Variants in HSD17B11 observed in about 807,000 individuals in gnomAD.
HSD17B11 encodes estradiol 17-beta-dehydrogenase 11.
HSD17B11 carries 22 observed loss-of-function variants against 27.8 expected under a neutral mutation model. That is an observed-to-expected ratio of 0.79 (90% CI 0.56 to 1.13). The LOEUF (loss-of-function observed/expected upper bound fraction) is 1.13, where lower values mean the gene tolerates loss of function less well. Among genes scored for constraint, HSD17B11 ranks in the 50% most tolerant of loss-of-function variants. The pLI, the probability that HSD17B11 is intolerant of heterozygous loss-of-function variation, is 0.00. For synonymous variants in HSD17B11, 117 were observed against 132.8 expected (o/e 0.88, Z 0.82); for missense variants, 314 against 351.1 (o/e 0.89, Z 0.84).
At chr4:87,372,666 A>G (rs1353460119) in intron 4 of HSD17B11, 43 bp downstream of exon 4, 3 of 1,160,456 alleles carry the variant, frequency 2.6e-6, no homozygotes, top group Non-Finnish European at 2.6e-6. Flanking sequence ...CTCACACACA[A>G]GGTAGGCATA....
chr4:87,369,176 A>C (rs1469417373), intron 4 of HSD17B11, among the ~76,000 whole-genome samples: 1 of 152,196 alleles, frequency 6.6e-6, no homozygotes, highest in Non-Finnish European at 1.5e-5. Context: ...TTAAGTGACC[A>C]AAAATGCAAG....
chr4:87,388,506 C>T (rs1297694569), intron 1 of HSD17B11, among the ~76,000 whole-genome samples: 2 of 152,180 alleles, frequency 1.3e-5, no homozygotes, highest in African/African-American at 4.8e-5. Context: ...ACTCACTGTG[C>T]TCTCAGCTTC....
At chr4:87,346,059 A>T (rs1735265917) in intron 5 of HSD17B11, among the ~76,000 whole-genome samples, 1 of 152,202 alleles carries the variant, frequency 6.6e-6, no homozygotes, top group African/African-American at 2.4e-5. Flanking sequence ...TGGCAAATTA[A>T]ATCTAGCATT....
rs752703504 is a variant in HSD17B11, at chr4:87,337,323, T to G, written c.856A>C (p.Ser286Arg). The change falls in exon 7 of 7, where the codon AGT becomes CGT. Residue 286 changes from serine (S) to arginine (R), a missense_variant. Coordinates refer to ENST00000358290, the MANE Select transcript of HSD17B11 (RefSeq NM_016245.5). ...CCAATAACTGCATCAAACTTAACAC[T>G]GATTTTTCGTTTTAAAACTGCCAGG... is the stretch of plus-strand genomic sequence containing the variant. The part of the protein sequence containing the change: ...RFLAVLKRKI[S>R]VKFDAVIGYK... The G allele has an allele frequency of 1.9e-6, 3 of 1,606,022 alleles. No individual in the cohort carries two copies. The highest frequency in any genetic ancestry group is 2.2e-5 in the South Asian group (2 of 90,474).
chr4:87,344,399 C>T (rs1212406793), intron 5 of HSD17B11, among the ~76,000 whole-genome samples: 1 of 152,094 alleles, frequency 6.6e-6, no homozygotes, highest in Admixed American at 6.6e-5. Context: ...GGCATTGTTT[C>T]TATCATTAGT....
intron 5 of HSD17B11, among the ~76,000 whole-genome samples, chr4:87,355,927 G>C (rs186011847): frequency 4.6e-4 from 68 of 148,306 alleles, no homozygotes; most frequent in African/African-American, 1.5e-3. Context: ...AACAAACAAA[G>C]AAACAAACAA....
chr4:87,337,175 G>T lies in HSD17B11; in HGVS notation c.*101C>A. Reference sequence around the variant, plus strand: ...GCCTCAAAAATGATATTGAAGAAATGGGGATAATTAGAAAAAACAGAAGTT... The same window carrying T: ...GCCTCAAAAATGATATTGAAGAAATTGGGATAATTAGAAAAAACAGAAGTT... On this transcript the variant is annotated 3_prime_UTR_variant, in exon 7 of 7. Transcript: ENST00000358290. 1.3e-6 allele frequency: 1 copy of T among 770,472 alleles called. No homozygotes were observed. The highest frequency in any genetic ancestry group is 1.8e-5 in the African/African-American group (1 of 56,926). The allele number at this position is 770,472 out of a possible 1,614,324, so 47.7% of individuals were successfully genotyped here.
chr4:87,378,785 A>G (rs1329037536), intron 2 of HSD17B11, among the ~76,000 whole-genome samples: 1 of 113,242 alleles, frequency 8.8e-6, no homozygotes. Context: ...TTGCGTGTAT[A>G]TATATATGAT....
At chr4:87,343,473 G>A (rs187936984) in intron 5 of HSD17B11, among the ~76,000 whole-genome samples, 22 of 151,846 alleles carry the variant, frequency 1.4e-4, no homozygotes, top group African/African-American at 2.7e-4. Flanking sequence ...GAGTATTTTC[G>A]TCTGAAGGAT....
At chr4:87,358,990 GAGTTCTC>G (rs1238873216) in intron 4 of HSD17B11, among the ~76,000 whole-genome samples, 1 of 152,076 alleles carries the variant, frequency 6.6e-6, no homozygotes, top group East Asian at 1.9e-4. Flanking sequence ...GATAGTGGGG[GAGTTCTC>G]ACAAGATCTG....
intron 4 of HSD17B11, among the ~76,000 whole-genome samples, chr4:87,370,001 T>G (rs1735678653): frequency 1.3e-5 from 2 of 152,224 alleles, no homozygotes; most frequent in African/African-American, 4.8e-5. Context: ...TTCTTCATAT[T>G]AATCATTAAA....
At chr4:87,364,959 A>C (rs1735589997) in intron 4 of HSD17B11, among the ~76,000 whole-genome samples, 1 of 152,194 alleles carries the variant, frequency 6.6e-6, no homozygotes, top group South Asian at 2.1e-4. Flanking sequence ...ACTTGAGGTC[A>C]GGAGTTCAAG....
chr4:87,385,481 GA>G (rs1350770077), intron 1 of HSD17B11, among the ~76,000 whole-genome samples: 1 of 152,024 alleles, frequency 6.6e-6, no homozygotes, highest in Non-Finnish European at 1.5e-5. Context: ...TTGGGAAGAT[GA>G]AAAATTTCTG....
intron 2 of HSD17B11, among the ~76,000 whole-genome samples, chr4:87,379,902 T>C (rs1471980655): frequency 6.9e-6 from 1 of 144,550 alleles, no homozygotes; most frequent in East Asian, 2.0e-4. Flanking sequence ...ACATCTCATA[T>C]ATACATATTA....
At chr4:87,363,048 G>A (rs1008715922) in intron 4 of HSD17B11, among the ~76,000 whole-genome samples, 6 of 152,118 alleles carry the variant, frequency 3.9e-5, no homozygotes, top group Non-Finnish European at 7.4e-5. Context: ...AGCCTTGCCA[G>A]TTTGATATTG....
intron 4 of HSD17B11, among the ~76,000 whole-genome samples, chr4:87,368,765 G>A (rs1434832116): frequency 2.0e-5 from 3 of 152,180 alleles, no homozygotes; most frequent in African/African-American, 2.4e-5. Flanking sequence ...GGCCACGAGA[G>A]TGACCTCTGG....
intron 5 of HSD17B11, among the ~76,000 whole-genome samples, chr4:87,353,503 C>A (rs368337083): frequency 1.1e-4 from 17 of 152,322 alleles, no homozygotes; most frequent in African/African-American, 4.1e-4. Context: ...ACCAGCTTAG[C>A]CTCAAAGAGG....
intron 1 of HSD17B11, among the ~76,000 whole-genome samples, chr4:87,390,437 T>G (rs1335028622): frequency 6.6e-6 from 1 of 152,220 alleles, no homozygotes; most frequent in Non-Finnish European, 1.5e-5. Flanking sequence ...ATTACAGGCG[T>G]GAGCCAACGG....
intron 4 of HSD17B11, among the ~76,000 whole-genome samples, chr4:87,370,581 A>AT (rs56142885): frequency 0.12 from 17,731 of 150,100 alleles, 1,187 homozygotes; most frequent in East Asian, 0.31. Flanking sequence ...CACCCAGCTA[A>AT]TTTTTTTTGT....
Sources: allele counts gnomAD v4.1 joint callset (sites outside exome capture counted in the v4.1 genomes callset), GRCh38; gene constraint gnomAD v4.1.1; transcripts MANE v1.5; gene names NCBI Gene and HGNC (gene_info 2026-07-23, HGNC 2026-07-21).